Variants in PATJ observed in about 807,000 individuals in gnomAD.
The protein encoded by PATJ is PATJ crumbs cell polarity complex component, also known as inaD-like protein.
Under a neutral mutation model 224.9 loss-of-function variants are expected in PATJ, and 190 were observed. That is an observed-to-expected ratio of 0.84 (90% CI 0.75 to 0.95). PATJ has a LOEUF of 0.95. PATJ is among the 40% of genes least tolerant of loss of function. The pLI, the probability that PATJ is intolerant of heterozygous loss-of-function variation, is 0.00. For missense variants in PATJ, 2,121 were observed against 2,270.3 expected (o/e 0.93, Z 1.34); for synonymous variants, 769 against 820.3 (o/e 0.94, Z 1.07).
rs373997284 is a variant in PATJ, at chr1:61,954,752, A to ATTTTTTTTTTTTTTTTTTTTTTTTT, written c.3670+26925_3670+26926insTTTTTTTTTTTTTTTTTTTTTTTTT. ...TTACATTTATGATATGCCAAACTCTATTGTTTTTTTTTTTTTTTTGAGACA... is the reference window on the plus strand; with the variant it reads ...TTACATTTATGATATGCCAAACTCTATTTTTTTTTTTTTTTTTTTTTTTTTTTGTTTTTTTTTTTTTTTTGAGACA... On this transcript the variant is annotated intron_variant, in intron 27 of 43. Coordinates refer to ENST00000642238, the MANE Select transcript of PATJ (RefSeq NM_001350145.3). 1.8e-5 allele frequency among the ~76,000 whole-genome samples: 2 copies of ATTTTTTTTTTTTTTTTTTTTTTTTT among 112,310 alleles called. 1 individual carries two copies. 73.7% of individuals were successfully genotyped at this position (112,310 alleles called of 152,430 possible). A position where few individuals can be genotyped will look rare whatever the true frequency, so the allele number is the denominator to read the frequency against.
At chr1:61,867,877 G>T (rs1276814176) in intron 20 of PATJ, among the ~76,000 whole-genome samples, 1 of 152,084 alleles carries the variant, frequency 6.6e-6, no homozygotes, top group African/African-American at 2.4e-5. Context: ...GCTCTGAGAA[G>T]ATTTTAAAAA....
At chr1:61,883,601 T>G (rs1557816184) in intron 21 of PATJ, among the ~76,000 whole-genome samples, 1 of 151,514 alleles carries the variant, frequency 6.6e-6, no homozygotes, top group South Asian at 2.1e-4. Context: ...AATACAAAAA[T>G]TATTGTATTT....
chr1:62,161,110 G>T lies in PATJ; in HGVS notation c.*56G>T. ...TTGTTTAGAATATCCACAGGCAGATGAAGTTCTGAGTGGGTATGAAAAGCA... is the reference window on the plus strand; with the variant it reads ...TTGTTTAGAATATCCACAGGCAGATTAAGTTCTGAGTGGGTATGAAAAGCA... On this transcript the variant is annotated 3_prime_UTR_variant, in exon 44 of 44. Coordinates refer to ENST00000642238, the MANE Select transcript of PATJ (RefSeq NM_001350145.3). 7.5e-7 allele frequency: 1 copy of T among 1,338,394 alleles called. No homozygotes were observed. The highest frequency in any genetic ancestry group is 9.6e-7 in the Non-Finnish European group (1 of 1,038,090). 82.9% of individuals were successfully genotyped at this position (1,338,394 alleles called of 1,614,324 possible).
Position 62,158,730 on chromosome 1 carries a change from A to C in PATJ, c.5503-2178A>C, listed in dbSNP as rs1558251141. ...AGCGAGACTCTGTCTCAAAAAAAAA[A>C]CAAAAAAAAAGAGTTCGAGACCAGC... On this transcript the variant is annotated intron_variant, in intron 43 of 43. Coordinates refer to ENST00000642238, the MANE Select transcript of PATJ (RefSeq NM_001350145.3). Among the ~76,000 whole-genome samples, 2 of 141,040 alleles carry C rather than the reference A, an allele frequency of 1.4e-5. 1 individual carries two copies. Among genetic ancestry groups the C allele is most frequent in the African/African-American group, 5.2e-5 (2 of 38,132 alleles). The allele number at this position is 141,040 out of a possible 152,430, so 92.5% of individuals were successfully genotyped here.
At chr1:62,036,413 G>A (rs1570242030) in intron 29 of PATJ, among the ~76,000 whole-genome samples, 1 of 152,180 alleles carries the variant, frequency 6.6e-6, no homozygotes, top group African/African-American at 2.4e-5. Context: ...CTGGACAGAT[G>A]TTGTTGACAT....
At chr1:62,113,148 C>T (rs1664053099) in intron 34 of PATJ, among the ~76,000 whole-genome samples, 1 of 152,146 alleles carries the variant, frequency 6.6e-6, no homozygotes, top group Non-Finnish European at 1.5e-5. Context: ...GAAACAGAGG[C>T]TCAGAGATTA....
At chr1:61,824,636 G>A (rs929716921) in intron 15 of PATJ, among the ~76,000 whole-genome samples, 1 of 151,888 alleles carries the variant, frequency 6.6e-6, no homozygotes, top group Non-Finnish European at 1.5e-5. Flanking sequence ...TTTTGCCCAT[G>A]CTGGTCTTGA....
chr1:62,159,699 A>C (rs769475597), intron 43 of PATJ, among the ~76,000 whole-genome samples: 2 of 151,902 alleles, frequency 1.3e-5, no homozygotes, highest in Non-Finnish European at 2.9e-5. Context: ...GACCACAGGC[A>C]TAAGCCACCA....
intron 9 of PATJ, among the ~76,000 whole-genome samples, chr1:61,791,677 G>C (rs553131165): frequency 6.6e-6 from 1 of 152,148 alleles, no homozygotes; most frequent in South Asian, 2.1e-4. Flanking sequence ...CCAGCTTAGT[G>C]TATAATATTT....
chr1:62,153,762 A>ATG (rs1668865556), intron 43 of PATJ, among the ~76,000 whole-genome samples: 1 of 152,206 alleles, frequency 6.6e-6, no homozygotes, highest in Admixed American at 6.5e-5. Context: ...CATAAGGAGC[A>ATG]GTGCCACTCT....
chr1:61,911,484 C>T (rs1815462), intron 25 of PATJ, among the ~76,000 whole-genome samples: 53,194 of 151,680 alleles, frequency 0.35, 10,201 homozygotes, highest in East Asian at 0.46. Context: ...AGTGAGCCAC[C>T]GCACCTAGCC....
chr1:62,022,006 A>T (rs188552489), intron 29 of PATJ, among the ~76,000 whole-genome samples: 299 of 152,254 alleles, frequency 2.0e-3, no homozygotes, highest in Admixed American at 3.7e-3. Context: ...CTTTTCCATT[A>T]TACAGAAAAT....
Position 61,766,319 on chromosome 1 carries a change from T to C in PATJ, c.230T>C (p.Phe77Ser). 6.2e-7 allele frequency: 1 copy of C among 1,611,946 alleles called. No homozygotes were observed. Among genetic ancestry groups the C allele is most frequent in the Non-Finnish European group, 8.5e-7 (1 of 1,179,142 alleles). Reference protein sequence around the residue: ...IPSDCSANFDFSRKGLLVFTD... With the variant: ...IPSDCSANFDSSRKGLLVFTD... ...TCAGATTGTTCAGCCAACTTTGATT[T>C]TTCTAGGAAAGGTTTGTTAGTGTTC... is the stretch of plus-strand genomic sequence containing the variant. Residue 77 changes from phenylalanine to serine, a missense_variant, in exon 4 of 44, where the codon TTT becomes TCT. Phe to Ser is a radical substitution (Grantham distance 155). Transcript: ENST00000642238.
chr1:61,965,223 C>T (rs1681958485), intron 27 of PATJ, among the ~76,000 whole-genome samples: 1 of 144,670 alleles, frequency 6.9e-6, no homozygotes, highest in Non-Finnish European at 1.5e-5. Context: ...TTCAATCAAG[C>T]CATTTAAACT....
At chr1:61,949,163 G>C (rs758485041) in intron 27 of PATJ, among the ~76,000 whole-genome samples, 1 of 151,378 alleles carries the variant, frequency 6.6e-6, no homozygotes, top group East Asian at 1.9e-4. Flanking sequence ...GTATATATAC[G>C]TAACAAACCT....
At chr1:61,773,614 C>A (rs1034518576) in intron 6 of PATJ, among the ~76,000 whole-genome samples, 5 of 151,574 alleles carry the variant, frequency 3.3e-5, no homozygotes, top group African/African-American at 1.2e-4. Flanking sequence ...TGGTGAAACC[C>A]TGTCTCTACT....
At chr1:62,032,346 G>GTCATTT (rs1649493316) in intron 29 of PATJ, among the ~76,000 whole-genome samples, 1 of 152,064 alleles carries the variant, frequency 6.6e-6, no homozygotes. Context: ...AATTGGTTTA[G>GTCATTT]AATTCATTTA....
At chr1:62,059,160 T>C (rs17123034) in intron 31 of PATJ, among the ~76,000 whole-genome samples, 2,625 of 152,244 alleles carry the variant, frequency 0.017, 87 homozygotes, top group African/African-American at 0.059. Flanking sequence ...CATGCAGATA[T>C]AGTAGCAGGA....
intron 41 of PATJ, among the ~76,000 whole-genome samples, chr1:62,142,883 CTG>C (rs1354224303): frequency 6.6e-6 from 1 of 152,078 alleles, no homozygotes; most frequent in African/African-American, 2.4e-5. Context: ...TAATTAAAGT[CTG>C]AATTTTATTC....
Sources: allele counts gnomAD v4.1 joint callset (sites outside exome capture counted in the v4.1 genomes callset), GRCh38; gene constraint gnomAD v4.1.1; transcripts MANE v1.5; gene names NCBI Gene and HGNC (gene_info 2026-07-23, HGNC 2026-07-21).